Variants in RNF31 observed in about 807,000 individuals in gnomAD.
RNF31 encodes E3 ubiquitin-protein ligase RNF31.
Under a neutral mutation model 133.6 loss-of-function variants are expected in RNF31, and 38 were observed. The observed-to-expected ratio is 0.28, with a 90% confidence interval of 0.22 to 0.37. The LOEUF (loss-of-function observed/expected upper bound fraction) is 0.37. Among genes scored for constraint, RNF31 ranks in the 10% least tolerant of loss-of-function variants. The pLI, the probability that RNF31 is intolerant of heterozygous loss-of-function variation, is 1.00. For synonymous variants in RNF31, 582 were observed against 552.3 expected (o/e 1.05, Z -0.75); for missense variants, 1,118 against 1,394.1 (o/e 0.80, Z 3.15).
chr14:24,149,063 A>G, intron 5 of RNF31, 187 bp downstream of exon 5: 2 of 638,088 alleles, frequency 3.1e-6, no homozygotes, highest in Non-Finnish European at 5.5e-6. Flanking sequence ...TCCCGGGTTC[A>G]AGCGATTCTC....
chr14:24,148,095 C>G lies in RNF31; in HGVS notation c.312C>G (p.Val104=), dbSNP rs374150139. The change falls in exon 2 of 21, where the codon GTC becomes GTG. Residue 104 remains valine, a synonymous_variant. Transcript: ENST00000324103. ...GTGGTGTCAAGTTTAATAACCCTGT[C>G]TTTCGCAGCACGGTGGATGCTGTGC... ...YWRGVKFNNP[V]FRSTVDAVQG... is the part of the protein sequence containing the mutation. The G allele has an allele frequency of 1.9e-6, 3 of 1,614,130 alleles. No individual in the cohort carries two copies. The highest frequency in any genetic ancestry group is 2.7e-5 in the African/African-American group (2 of 74,944).
Position 24,147,766 on chromosome 14 carries a change from G to T in RNF31, c.68G>T (p.Arg23Met). 6.3e-7 allele frequency: 1 copy of T among 1,575,938 alleles called. No individual in the cohort carries two copies. Among genetic ancestry groups the T allele is most frequent in the East Asian group, 2.3e-5 (1 of 43,144 alleles). ...AREELASALRRDSGQAFSLEQ... is the reference protein window; with the variant it reads ...AREELASALRMDSGQAFSLEQ... The stretch of plus-strand genomic sequence containing the variant: ...GAGGAGCTGGCGAGCGCCCTGAGGA[G>T]GGATTCCGGGCAGGCGTTTTCCCTG... The change falls in exon 1 of 21, where the codon AGG becomes ATG. Residue 23 changes from arginine (R) to methionine (M), a missense_variant. Around this residue, in one of 3 missense-constraint regions of RNF31, gnomAD observed 747 missense variants for 827.9 expected, o/e 0.90. Coordinates refer to ENST00000324103, the MANE Select transcript of RNF31 (RefSeq NM_017999.5).
chr14:24,153,326 C>G (rs925074065), intron 11 of RNF31, among the ~76,000 whole-genome samples: 1 of 151,898 alleles, frequency 6.6e-6, no homozygotes, highest in Non-Finnish European at 1.5e-5. Context: ...CGCCTGTCAT[C>G]CCTGCACTTT....
chr14:24,160,420 C>T lies in RNF31; in HGVS notation c.3165+13C>T, dbSNP rs1486129238. ...CCGCTTGTTACAGGTATAGCCTCCA[C>T]CCAGCCTCATCTCTTAACCCACCCT... On this transcript the variant is annotated intron_variant, in intron 20 of 20. Coordinates refer to ENST00000324103, the MANE Select transcript of RNF31 (RefSeq NM_017999.5). The surrounding 1 kb of genome is among the most constrained non-coding windows in gnomAD (Gnocchi z 4.0). 7 of 1,611,940 alleles carry T rather than the reference C, an allele frequency of 4.3e-6. No homozygotes were observed. In the Admixed American group the frequency reaches 5.0e-5, roughly 12 times the overall value.
In RNF31 at chr14:24,147,576, G is replaced by T; in HGVS notation, c.-123G>T. The T allele has an allele frequency of 1.2e-6, 1 of 834,606 alleles. No homozygotes were observed. The highest frequency in any genetic ancestry group is 2.6e-5 in the South Asian group (1 of 38,018). The allele number at this position is 834,606 out of a possible 1,614,324, so 51.7% of individuals were successfully genotyped here. ...GACCGTGGTCTGAGTGACCTGGGGC[G>T]GCTGCGTGGGCCGGGGTGGGCCTCA... On this transcript the variant is annotated 5_prime_UTR_variant, in exon 1 of 21. Coordinates refer to ENST00000324103, the MANE Select transcript of RNF31 (RefSeq NM_017999.5).
intron 18 of RNF31, among the ~76,000 whole-genome samples, chr14:24,158,436 A>G (rs1400366741): frequency 6.6e-6 from 1 of 152,220 alleles, no homozygotes; most frequent in Non-Finnish European, 1.5e-5. Context: ...CATTAATACT[A>G]ATTTTCTTCT....
At chr14:24,153,707 C>G (rs1210197529) in intron 11 of RNF31, among the ~76,000 whole-genome samples, 1 of 152,108 alleles carries the variant, frequency 6.6e-6, no homozygotes, top group East Asian at 1.9e-4. Flanking sequence ...AGTTCGAGAC[C>G]AGCCTGACCA....
intron 11 of RNF31, among the ~76,000 whole-genome samples, chr14:24,153,347 C>T (rs913738852): frequency 6.6e-6 from 1 of 151,838 alleles, no homozygotes; most frequent in Non-Finnish European, 1.5e-5. Flanking sequence ...GGGAGGCCAA[C>T]GTGGGTGGAT....
rs753153557 is a variant in RNF31 at position 24,151,821 on chromosome 14, C to T, written c.1959C>T (p.Leu653=). The T allele has an allele frequency of 1.9e-6, 3 of 1,613,558 alleles. No homozygotes were observed. Among genetic ancestry groups the T allele is most frequent in the Non-Finnish European group, 2.5e-6 (3 of 1,179,758 alleles). The change falls in exon 11 of 21, where the codon CTC becomes CTT. Residue 653 remains leucine, a synonymous_variant. Transcript: ENST00000324103. This position sits in a 1 kb window ranked among gnomAD's most constrained non-coding sequence, Gnocchi z 5.3. The part of the protein sequence containing the change: ...LVRRLLAVYA[L]PSWGRAELAL... Reference sequence around the variant, plus strand: ...GGCGGCTTTTGGCAGTCTACGCACTCCCCAGCTGGGGCCGGGCAGAGCTGG... The same window carrying T: ...GGCGGCTTTTGGCAGTCTACGCACTTCCCAGCTGGGGCCGGGCAGAGCTGG...
chr14:24,157,768 C>T, intron 16 of RNF31, 130 bp downstream of exon 16: 1 of 1,084,564 alleles, frequency 9.2e-7, no homozygotes, highest in South Asian at 1.3e-5. Flanking sequence ...ACTCTCTGTC[C>T]CCTTACCCTT....
In RNF31 at chr14:24,157,546, G is replaced by A. The variant is rs757337678; in HGVS notation, c.2635G>A (p.Ala879Thr). The change falls in exon 16 of 21, where the codon GCC (alanine) becomes ACC (threonine). Residue 879 changes from alanine (A) to threonine (T), a missense_variant. Transcript: ENST00000324103. ...CTGCCCCAAATGCAAGTTCTCGTACGCCCTGGCCCGAGGAGGCTGCATGCA... is the reference window on the plus strand; with the variant it reads ...CTGCCCCAAATGCAAGTTCTCGTACACCCTGGCCCGAGGAGGCTGCATGCA... ...IDCPKCKFSY[A>T]LARGGCMHFH... 1.9e-6 allele frequency: 3 copies of A among 1,614,052 alleles called. No homozygotes were observed. The highest frequency in any genetic ancestry group is 1.7e-5 in the Admixed American group (1 of 59,996).
intron 11 of RNF31, among the ~76,000 whole-genome samples, chr14:24,153,441 G>C (rs796880465): frequency 6.6e-6 from 1 of 152,064 alleles, no homozygotes; most frequent in African/African-American, 2.4e-5. Flanking sequence ...GCCAGGCGTG[G>C]TGGCGTGCAC....
At chr14:24,157,748 G>A in intron 16 of RNF31, 110 bp downstream of exon 16, 6 of 1,129,728 alleles carry the variant, frequency 5.3e-6, no homozygotes, top group Non-Finnish European at 8.0e-6. Context: ...TCAACGGGAT[G>A]TAAAGCACAA....
At chr14:24,150,563 G>A (rs2038248828) in intron 7 of RNF31, 35 bp from the exon 8 acceptor site, 3 of 1,589,940 alleles carry the variant, frequency 1.9e-6, no homozygotes, top group Non-Finnish European at 8.6e-7. Context: ...ACTTCAGCCA[G>A]CCAGTCAAAG....
intron 11 of RNF31, 116 bp downstream of exon 11, chr14:24,152,108 C>A: frequency 2.0e-6 from 2 of 989,596 alleles, no homozygotes; most frequent in Non-Finnish European, 1.5e-6. Context: ...CCATATACCC[C>A]TGAAGGCTCC....
chr14:24,156,300 CGTTT>C (rs2038340060), intron 14 of RNF31, among the ~76,000 whole-genome samples: 1 of 152,028 alleles, frequency 6.6e-6, no homozygotes, highest in South Asian at 2.1e-4. Context: ...ATTTATCTTT[CGTTT>C]ATTTATTTAT....
rs753804107 is a variant in RNF31 at position 24,155,222 on chromosome 14, C to T, written c.2196C>T (p.Ile732=). The change falls in exon 12 of 21, where the codon ATC becomes ATT. Residue 732 remains isoleucine (I), a synonymous_variant. Coordinates refer to ENST00000324103, the MANE Select transcript of RNF31 (RefSeq NM_017999.5). The surrounding 1 kb of genome is among the most constrained non-coding windows in gnomAD (Gnocchi z 4.9). ...CPDCFRQHFT[I]ALKEKHITDM... ...ACTGCTTCCGCCAGCACTTCACCATCGCCTTGAAGGAGAAGCACATCACAG... is the reference window on the plus strand; with the variant it reads ...ACTGCTTCCGCCAGCACTTCACCATTGCCTTGAAGGAGAAGCACATCACAG... The T allele has an allele frequency of 2.4e-5, 39 of 1,614,056 alleles. No individual in the cohort carries two copies. Among genetic ancestry groups the T allele is most frequent in the African/African-American group, 5.3e-5 (4 of 74,902 alleles).
At chr14:24,148,766 A>T (rs1250833809) in intron 4 of RNF31, 35 bp from the exon 5 acceptor site, 1 of 1,613,714 alleles carries the variant, frequency 6.2e-7, no homozygotes, top group Non-Finnish European at 8.5e-7. Context: ...CTGTGTCCCT[A>T]AACCCTTATT....
Position 24,160,318 on chromosome 14 carries a change from C to T in RNF31, c.3076C>T (p.Leu1026=). The change falls in exon 20 of 21, where the codon CTG becomes TTG. Residue 1026 remains leucine, a synonymous_variant. Coordinates refer to ENST00000324103, the MANE Select transcript of RNF31 (RefSeq NM_017999.5). This position sits in a 1 kb window ranked among gnomAD's most constrained non-coding sequence, Gnocchi z 4.0. The part of the protein sequence containing the change: ...DPATLYEVEE[L]ETATERYLHV... Reference sequence around the variant, plus strand: ...AGCCACCTTGTATGAGGTGGAAGAGCTGGAGACGGCCACTGAGCGCTACCT... The same window carrying T: ...AGCCACCTTGTATGAGGTGGAAGAGTTGGAGACGGCCACTGAGCGCTACCT... 1.2e-6 allele frequency: 2 copies of T among 1,614,196 alleles called. No individual in the cohort carries two copies. The highest frequency in any genetic ancestry group is 1.7e-6 in the Non-Finnish European group (2 of 1,180,018).
Sources: allele counts gnomAD v4.1 joint callset (sites outside exome capture counted in the v4.1 genomes callset), GRCh38; gene constraint gnomAD v4.1.1; regional missense constraint gnomAD v4.1.1; non-coding constraint Gnocchi (gnomAD v3.1); transcripts MANE v1.5; gene names NCBI Gene and HGNC (gene_info 2026-07-23, HGNC 2026-07-21).